KCNIP1: variants seen among roughly 807,000 people sequenced by gnomAD.
KCNIP1 encodes the protein A-type potassium channel modulatory protein KCNIP1.
In KCNIP1, 18 loss-of-function variants were observed where a neutral mutation model predicts 33.0. That is an observed-to-expected ratio of 0.55 (90% confidence interval 0.38 to 0.81). The LOEUF (loss-of-function observed/expected upper bound fraction) is 0.81. KCNIP1 is among the 30% of genes least tolerant of loss of function. The pLI is 0.00. For missense variants in KCNIP1, 238 were observed against 271.6 expected, an observed-to-expected ratio of 0.88 and a Z score of 0.87; for synonymous variants, 93 against 98.3, an observed-to-expected ratio of 0.95 and a Z score of 0.32.
chr5:170,400,527 A>T (rs979689118), intron 1 of KCNIP1, among the ~76,000 whole-genome samples: 8 of 152,246 alleles, frequency 5.3e-5, no homozygotes, highest in African/African-American at 1.9e-4. Flanking sequence ...TTGGGTGGGG[A>T]CACAGAGCCT....
In KCNIP1 at chr5:170,419,569, G is replaced by T. The variant is rs144308391; in HGVS notation, c.88+65605G>T. On this transcript the variant is annotated intron_variant, in intron 1 of 7. Coordinates refer to the KCNIP1 transcript ENST00000377360. The stretch of plus-strand genomic sequence containing the variant: ...TCAGAAATTATGTGAAATTATAGAA[G>T]AGAAAGTCACCATCTTCCATCTCTG... Among the ~76,000 whole-genome samples the T allele has an allele frequency of 8.6e-4, 131 of 152,320 alleles. 2 individuals carry two copies. The highest frequency in any genetic ancestry group is 2.9e-3 in the African/African-American group (121 of 41,570).
chr5:170,630,522 A>T (rs2113670130), intron 1 of KCNIP1, among the ~76,000 whole-genome samples: 2 of 152,352 alleles, frequency 1.3e-5, no homozygotes, highest in South Asian at 4.1e-4. Context: ...AGAGGCGTCC[A>T]TCAGGACTTG....
chr5:170,514,170 C>T (rs1755039311), intron 1 of KCNIP1, among the ~76,000 whole-genome samples: 1 of 152,206 alleles, frequency 6.6e-6, no homozygotes, highest in African/African-American at 2.4e-5. Context: ...AAAATGACAG[C>T]CTCCTCTTGG....
chr5:170,693,306 A>G (rs1007024719), intron 1 of KCNIP1, among the ~76,000 whole-genome samples: 1 of 152,206 alleles, frequency 6.6e-6, no homozygotes, highest in Non-Finnish European at 1.5e-5. Flanking sequence ...GACACCACGT[A>G]GAATGACCTG....
intron 1 of KCNIP1, among the ~76,000 whole-genome samples, chr5:170,518,600 C>T (rs1039021392): frequency 9.2e-5 from 14 of 152,138 alleles, no homozygotes; most frequent in Non-Finnish European, 1.8e-4. Context: ...GAAGATAACG[C>T]GGGGGTTATC....
intron 1 of KCNIP1, among the ~76,000 whole-genome samples, chr5:170,360,751 T>A (rs531144028): frequency 3.0e-4 from 45 of 152,358 alleles, no homozygotes; most frequent in African/African-American, 1.1e-3. Context: ...CTCATGAGAA[T>A]GGGAGCCCTG....
At chr5:170,518,386 C>A (rs1186231807) in intron 1 of KCNIP1, among the ~76,000 whole-genome samples, 5 of 152,200 alleles carry the variant, frequency 3.3e-5, no homozygotes, top group Admixed American at 2.6e-4. Context: ...CTTCAGATTT[C>A]TTCTCTTATT....
At chr5:170,601,446 G>C (rs752637923) in intron 1 of KCNIP1, among the ~76,000 whole-genome samples, 1 of 152,194 alleles carries the variant, frequency 6.6e-6, no homozygotes, top group Admixed American at 6.5e-5. Flanking sequence ...GCTTTGTCCC[G>C]AAAACCCAGG....
intron 1 of KCNIP1, among the ~76,000 whole-genome samples, chr5:170,418,756 T>G (rs530679061): frequency 1.3e-5 from 2 of 152,322 alleles, no homozygotes; most frequent in East Asian, 3.9e-4. Context: ...TCCTAGCCTT[T>G]GTTCACACTG....
intron 1 of KCNIP1, among the ~76,000 whole-genome samples, chr5:170,601,019 T>G (rs1037926623): frequency 1.3e-5 from 2 of 152,224 alleles, no homozygotes; most frequent in South Asian, 4.1e-4. Flanking sequence ...CTTGAACAAG[T>G]CACTTAGCCT....
intron 1 of KCNIP1, among the ~76,000 whole-genome samples, chr5:170,521,814 C>T (rs1416591922): frequency 6.6e-6 from 1 of 152,212 alleles, no homozygotes; most frequent in Non-Finnish European, 1.5e-5. Context: ...AAATAAACCC[C>T]AATATTGCAG....
At chr5:170,372,477 C>T (rs191873931) in intron 1 of KCNIP1, among the ~76,000 whole-genome samples, 2 of 152,166 alleles carry the variant, frequency 1.3e-5, no homozygotes, top group Admixed American at 6.5e-5. Context: ...CAGAGGTTGC[C>T]GGGTAGAGCT....
intron 1 of KCNIP1, chr5:170,383,547 A>T (rs1348225224): frequency 3.1e-6 from 3 of 953,244 alleles, no homozygotes; most frequent in Middle Eastern, 2.1e-4. Context: ...GGGCTGGCTC[A>T]GTCTCATTCC....
At chr5:170,375,785 C>T (rs1367802998) in intron 1 of KCNIP1, 2 of 152,056 alleles carry the variant, frequency 1.3e-5, no homozygotes, top group Non-Finnish European at 2.9e-5. Flanking sequence ...TACCATATGT[C>T]ACTATCCTAG....
intron 1 of KCNIP1, among the ~76,000 whole-genome samples, chr5:170,425,172 C>T (rs1755584420): frequency 6.6e-6 from 1 of 152,324 alleles, no homozygotes; most frequent in Non-Finnish European, 1.5e-5. Flanking sequence ...ATTTTCCTAT[C>T]CCACTATAAT....
intron 1 of KCNIP1, among the ~76,000 whole-genome samples, chr5:170,520,219 G>T (rs1755311321): frequency 6.6e-6 from 1 of 152,178 alleles, no homozygotes; most frequent in Admixed American, 6.5e-5. Context: ...AGCAGATGCT[G>T]TTATTGTCTC....
At chr5:170,364,610 C>A (rs565124405) in intron 1 of KCNIP1, among the ~76,000 whole-genome samples, 2 of 152,158 alleles carry the variant, frequency 1.3e-5, no homozygotes, top group Non-Finnish European at 2.9e-5. Flanking sequence ...CCACCAAATA[C>A]CCCCAGGCTC....
At chr5:170,674,301 C>T (rs939054139) in intron 1 of KCNIP1, among the ~76,000 whole-genome samples, 2 of 152,128 alleles carry the variant, frequency 1.3e-5, no homozygotes, top group East Asian at 3.9e-4. Context: ...ATTCTGATCC[C>T]TTCTAGACAA....
At chr5:170,523,706 C>T (rs527723069) in intron 1 of KCNIP1, among the ~76,000 whole-genome samples, 4 of 152,266 alleles carry the variant, frequency 2.6e-5, no homozygotes, top group South Asian at 2.1e-4. Flanking sequence ...CACATATATG[C>T]GGATGACACC....
Sources: gnomAD v4.1 joint callset for allele counts (sites outside exome capture counted in the v4.1 genomes callset) on GRCh38, gnomAD v4.1.1 for gene constraint, MANE v1.5 for transcripts, NCBI Gene and HGNC (gene_info 2026-07-23, HGNC 2026-07-21) for gene names.